The following MACROD2 variants were observed in gnomAD, a reference collection of about 807,000 sequenced individuals.
MACROD2 encodes the protein mono-ADP ribosylhydrolase 2, also known as ADP-ribose glycohydrolase MACROD2.
A neutral mutation model predicts 70.4 loss-of-function variants in MACROD2; 36 were observed. That is an observed-to-expected ratio of 0.51 (90% confidence interval 0.39 to 0.68). MACROD2 has a LOEUF of 0.68. Ranked by LOEUF, MACROD2 falls within the 30% of genes least tolerant of loss-of-function variation. MACROD2 has a pLI of 0.00. For synonymous variants in MACROD2, 172 were observed against 178.8 expected, an observed-to-expected ratio of 0.96 and a Z score of 0.30; for missense variants, 496 against 538.4, an observed-to-expected ratio of 0.92 and a Z score of 0.78.
intron 5 of MACROD2, among the ~76,000 whole-genome samples, chr20:15,161,854 C>A (rs928202310): frequency 6.6e-6 from 1 of 151,952 alleles, no homozygotes; most frequent in Non-Finnish European, 1.5e-5. Context: ...TCAGAAGAAT[C>A]AAAGTCAAAA....
At chr20:15,673,781 G>GA (rs33967551) in intron 8 of MACROD2, among the ~76,000 whole-genome samples, 1,726 of 138,350 alleles carry the variant, frequency 0.012, 19 homozygotes, top group African/African-American at 0.033. Flanking sequence ...CAGTAGGGAG[G>GA]AAAAAAAAAA....
chr20:14,023,999 C>A (rs996203383), intron 2 of MACROD2, among the ~76,000 whole-genome samples: 3 of 152,166 alleles, frequency 2.0e-5, no homozygotes, highest in Non-Finnish European at 4.4e-5. Context: ...GTAGTATGGC[C>A]ATTTTCACGA....
chr20:15,897,781 A>T (rs1336781004), intron 10 of MACROD2, among the ~76,000 whole-genome samples: 1 of 152,158 alleles, frequency 6.6e-6, no homozygotes, highest in African/African-American at 2.4e-5. Context: ...AATAATCTGC[A>T]TCATAAATTT....
chr20:15,375,934 T>C (rs547524105), intron 6 of MACROD2, among the ~76,000 whole-genome samples: 1 of 152,242 alleles, frequency 6.6e-6, no homozygotes, highest in South Asian at 2.1e-4. Flanking sequence ...TACTTCCCTC[T>C]ACAACAACAG....
intron 3 of MACROD2, among the ~76,000 whole-genome samples, chr20:14,465,582 T>C (rs2084435208): frequency 6.6e-6 from 1 of 152,068 alleles, no homozygotes; most frequent in African/African-American, 2.4e-5. Context: ...CATTATGATG[T>C]TAGCTGGTTA....
At chr20:14,806,041 T>C (rs958717286) in intron 5 of MACROD2, among the ~76,000 whole-genome samples, 7 of 151,812 alleles carry the variant, frequency 4.6e-5, no homozygotes, top group African/African-American at 1.7e-4. Context: ...GCCTGGTACA[T>C]AGTAAGCACT....
intron 3 of MACROD2, among the ~76,000 whole-genome samples, chr20:14,447,976 A>G (rs960726201): frequency 3.5e-5 from 5 of 143,256 alleles, no homozygotes; most frequent in Non-Finnish European, 7.6e-5. Flanking sequence ...ACCCATGAAA[A>G]TGTGTGTGTG....
intron 3 of MACROD2, among the ~76,000 whole-genome samples, chr20:14,432,476 G>A (rs891233794): frequency 7.9e-5 from 12 of 151,110 alleles, no homozygotes; most frequent in African/African-American, 2.7e-4. Context: ...CATGTGGTAT[G>A]TATTCAATAA....
At chr20:15,399,711 T>C (rs559071007) in intron 6 of MACROD2, among the ~76,000 whole-genome samples, 1 of 152,344 alleles carries the variant, frequency 6.6e-6, no homozygotes, top group South Asian at 2.1e-4. Flanking sequence ...AAAACTAAGG[T>C]TGACTACATA....
At chr20:14,028,735 C>T (rs570271577) in intron 2 of MACROD2, among the ~76,000 whole-genome samples, 14 of 152,244 alleles carry the variant, frequency 9.2e-5, no homozygotes, top group Non-Finnish European at 1.6e-4. Context: ...CTTCTGCTCG[C>T]CCTCCCTCTG....
At chr20:14,399,355 G>A (rs556322157) in intron 3 of MACROD2, among the ~76,000 whole-genome samples, 13 of 152,060 alleles carry the variant, frequency 8.5e-5, no homozygotes, top group East Asian at 7.7e-4. Context: ...AAATATTAAC[G>A]TCTATGTTGA....
rs562991780 is a variant in MACROD2, at chr20:14,777,214, T to A, written c.418+92255T>A. Among the ~76,000 whole-genome samples, 21 of 152,208 alleles carry A rather than the reference T, an allele frequency of 1.4e-4. 1 individual carries two copies. Among genetic ancestry groups the A allele is most frequent in the African/African-American group, 4.8e-4 (20 of 41,492 alleles). ...GGTCATAGTATGCATATGTTTAGCA[T>A]CTTTTCGAAAGCAAGGGTATCATTT... is the stretch of plus-strand genomic sequence containing the variant. On this transcript the variant is annotated intron_variant, in intron 5 of 17. Transcript: ENST00000684519.
At chr20:14,646,248 A>G (rs1382242760) in intron 4 of MACROD2, among the ~76,000 whole-genome samples, 1 of 151,998 alleles carries the variant, frequency 6.6e-6, no homozygotes, top group Non-Finnish European at 1.5e-5. Flanking sequence ...ATCAGCTGCC[A>G]ATCAGGATTC....
intron 3 of MACROD2, among the ~76,000 whole-genome samples, chr20:14,107,422 G>A (rs1402340363): frequency 2.6e-5 from 4 of 152,050 alleles, no homozygotes; most frequent in Admixed American, 6.6e-5. Flanking sequence ...CCTCAAAAGG[G>A]CAAATCTAAG....
intron 5 of MACROD2, among the ~76,000 whole-genome samples, chr20:14,936,250 T>C (rs942777969): frequency 2.0e-5 from 3 of 152,160 alleles, no homozygotes; most frequent in African/African-American, 7.2e-5. Flanking sequence ...TGCAGAGATC[T>C]GGGAGAAGAG....
intron 8 of MACROD2, among the ~76,000 whole-genome samples, chr20:15,737,146 C>T (rs751352643): frequency 1.6e-4 from 24 of 152,096 alleles, no homozygotes; most frequent in Non-Finnish European, 2.9e-4. Flanking sequence ...CTATTCAAGG[C>T]TTGTTAACTG....
intron 5 of MACROD2, among the ~76,000 whole-genome samples, chr20:14,996,104 A>T (rs1299737273): frequency 6.6e-6 from 1 of 152,174 alleles, no homozygotes; most frequent in Non-Finnish European, 1.5e-5. Flanking sequence ...TAAAAGTAAT[A>T]TGGAAAATGA....
At chr20:15,859,626 A>C (rs1158715511) in intron 8 of MACROD2, among the ~76,000 whole-genome samples, 1 of 152,204 alleles carries the variant, frequency 6.6e-6, no homozygotes, top group East Asian at 1.9e-4. Flanking sequence ...ATAAGTACTT[A>C]GTGAATAAGA....
chr20:16,051,727 T>C lies in MACROD2; in HGVS notation c.*1851T>C, dbSNP rs2067460852. On this transcript the variant is annotated 3_prime_UTR_variant, in exon 18 of 18. Coordinates refer to ENST00000684519, the MANE Select transcript of MACROD2 (RefSeq NM_001351661.2). ...ATTTCATGCCATCTTTATAACTCAA[T>C]TGAAAGTTGCCGTCATTCTTGTGAA... 1 of 152,212 alleles carries C rather than the reference T, an allele frequency of 6.6e-6. No homozygotes were observed. Among genetic ancestry groups the C allele is most frequent in the Admixed American group, 6.5e-5 (1 of 15,280 alleles). The allele number at this position is 152,212 out of a possible 1,614,324, so 9.4% of individuals were successfully genotyped here.
Sources: allele counts gnomAD v4.1 joint callset (sites outside exome capture counted in the v4.1 genomes callset), GRCh38; gene constraint gnomAD v4.1.1; transcripts MANE v1.5; gene names NCBI Gene and HGNC (gene_info 2026-07-23, HGNC 2026-07-21).